The following SEPTIN2 variants were observed in gnomAD, a reference collection of about 807,000 sequenced individuals.
The protein encoded by SEPTIN2 is septin-2.
SEPTIN2 carries 34 observed loss-of-function variants against 46.5 expected under a neutral mutation model. The ratio of observed to expected loss-of-function variants is 0.73; its 90% CI spans 0.56 to 0.97. The LOEUF (loss-of-function observed/expected upper bound fraction) is 0.97. SEPTIN2 is among the 50% of genes least tolerant of loss of function. The pLI is 0.00. For synonymous variants in SEPTIN2, 175 were observed against 153.4 expected, an observed-to-expected ratio of 1.14 and a Z score of -1.04; for missense variants, 347 against 448.4, an observed-to-expected ratio of 0.77 and a Z score of 2.04.
At chr2:241,326,146 A>G in intron 3 of SEPTIN2, 33 bp downstream of exon 3, 6 of 1,585,112 alleles carry the variant, frequency 3.8e-6, no homozygotes, top group Non-Finnish European at 4.3e-6. Context: ...CCAACTTACT[A>G]AATAAATATC....
chr2:241,329,934 T>C (rs765916276), intron 3 of SEPTIN2, among the ~76,000 whole-genome samples: 2 of 152,248 alleles, frequency 1.3e-5, no homozygotes, highest in African/African-American at 2.4e-5. Context: ...TTAGGCTGAA[T>C]TGTGCGAGCT....
chr2:241,317,903 C>T (rs546194608), intron 1 of SEPTIN2, among the ~76,000 whole-genome samples: 93 of 152,240 alleles, frequency 6.1e-4, no homozygotes, highest in Middle Eastern at 3.4e-3. Flanking sequence ...GGAATAAACA[C>T]GATCTGAAGG....
intron 3 of SEPTIN2, 76 bp downstream of exon 3, chr2:241,326,189 G>C: frequency 7.3e-7 from 1 of 1,360,640 alleles, no homozygotes. Context: ...ATGATAACGT[G>C]ACCTATAAAG....
intron 5 of SEPTIN2, 190 bp downstream of exon 5, chr2:241,336,288 C>A: frequency 1.6e-6 from 1 of 611,570 alleles, no homozygotes; most frequent in Non-Finnish European, 2.8e-6. Flanking sequence ...TTTTCTGGTA[C>A]TCTACTGTAA....
intron 3 of SEPTIN2, among the ~76,000 whole-genome samples, chr2:241,332,331 C>T (rs1340288159): frequency 2.0e-5 from 3 of 152,102 alleles, no homozygotes; most frequent in Non-Finnish European, 4.4e-5. Flanking sequence ...ATCAGTAAGA[C>T]GAATGACCCA....
intron 10 of SEPTIN2, 91 bp from the exon 11 acceptor site, chr2:241,348,042 TG>T: frequency 1.1e-6 from 1 of 925,734 alleles, no homozygotes; most frequent in Non-Finnish European, 1.7e-6. Context: ...GATAAATACA[TG>T]TCATTTTAAA....
At chr2:241,316,485 G>A in intron 1 of SEPTIN2, 1 of 1,508,192 alleles carries the variant, frequency 6.6e-7, no homozygotes, top group Non-Finnish European at 8.8e-7. Flanking sequence ...GGATAAGCGA[G>A]GGGAGAGCGA....
intron 7 of SEPTIN2, among the ~76,000 whole-genome samples, chr2:241,338,371 T>G (rs2080385145): frequency 6.6e-6 from 1 of 151,832 alleles, no homozygotes; most frequent in African/African-American, 2.4e-5. Flanking sequence ...GTCCAAATAG[T>G]TTATATATGC....
intron 1 of SEPTIN2, among the ~76,000 whole-genome samples, chr2:241,321,243 C>A (rs2077072904): frequency 6.6e-6 from 1 of 152,078 alleles, no homozygotes; most frequent in African/African-American, 2.4e-5. Flanking sequence ...TCTCAGAGAA[C>A]TCTATTAAAG....
At chr2:241,324,964 TTC>T (rs764972977) in intron 2 of SEPTIN2, 11 of 124,970 alleles carry the variant, frequency 8.8e-5, no homozygotes, top group Non-Finnish European at 1.6e-4. Flanking sequence ...AGATTATTAT[TTC>T]TGTTTTTTTT....
At chr2:241,328,254 G>A (rs2078331531) in intron 3 of SEPTIN2, among the ~76,000 whole-genome samples, 1 of 152,014 alleles carries the variant, frequency 6.6e-6, no homozygotes, top group African/African-American at 2.4e-5. Context: ...GGCCAACATG[G>A]CAAAACCCCA....
intron 7 of SEPTIN2, among the ~76,000 whole-genome samples, chr2:241,341,289 G>C (rs2081230431): frequency 6.6e-6 from 1 of 152,154 alleles, no homozygotes; most frequent in Admixed American, 6.5e-5. Flanking sequence ...CAGCTCCCCT[G>C]TCTCTTTAAA....
chr2:241,330,143 A>G (rs532820089), intron 3 of SEPTIN2, among the ~76,000 whole-genome samples: 1 of 152,306 alleles, frequency 6.6e-6, no homozygotes, highest in East Asian at 1.9e-4. Flanking sequence ...AATCTTACCG[A>G]GTCCAGCAAT....
intron 1 of SEPTIN2, among the ~76,000 whole-genome samples, chr2:241,319,894 A>C (rs2149823020): frequency 6.6e-6 from 1 of 152,324 alleles, no homozygotes; most frequent in South Asian, 2.1e-4. Context: ...ACACTCTGCC[A>C]GCAGTTTTCT....
At chr2:241,329,621 C>T (rs550288917) in intron 3 of SEPTIN2, among the ~76,000 whole-genome samples, 1 of 152,294 alleles carries the variant, frequency 6.6e-6, no homozygotes, top group South Asian at 2.1e-4. Flanking sequence ...AAAGGGTACA[C>T]TCGCCAGCAG....
intron 3 of SEPTIN2, among the ~76,000 whole-genome samples, 173 bp from the exon 4 acceptor site, chr2:241,334,950 AGTT>A (rs2079679673): frequency 6.6e-6 from 1 of 152,174 alleles, no homozygotes; most frequent in South Asian, 2.1e-4. Flanking sequence ...GGCAAATTAG[AGTT>A]TCTTTGAGTA....
chr2:241,316,170 G>A, intron 1 of SEPTIN2, 188 bp downstream of exon 1: 1 of 253,594 alleles, frequency 3.9e-6, no homozygotes, highest in Non-Finnish European at 7.6e-6. Flanking sequence ...CCCCCGTCCC[G>A]GGCGGTCCTA....
chr2:241,347,747 G>GT (rs2060392831), intron 10 of SEPTIN2, among the ~76,000 whole-genome samples: 1 of 152,114 alleles, frequency 6.6e-6, no homozygotes. Context: ...TAGGCTGGGC[G>GT]TGGTGGCTCA....
intron 1 of SEPTIN2, among the ~76,000 whole-genome samples, chr2:241,319,857 G>A (rs1559587864): frequency 6.6e-6 from 1 of 152,206 alleles, no homozygotes; most frequent in Non-Finnish European, 1.5e-5. Flanking sequence ...GCTTCCCAAA[G>A]TGCTGGTATT....
Sources: gnomAD v4.1 joint callset for allele counts (sites outside exome capture counted in the v4.1 genomes callset) on GRCh38, gnomAD v4.1.1 for gene constraint, MANE v1.5 for transcripts, NCBI Gene and HGNC (gene_info 2026-07-23, HGNC 2026-07-21) for gene names.